DENND4A: variants seen among roughly 807,000 people sequenced by gnomAD.
The protein encoded by DENND4A is DENN domain containing 4A.
A neutral mutation model predicts 199.3 loss-of-function variants in DENND4A; 70 were observed. The ratio of observed to expected loss-of-function variants is 0.35; its 90% CI spans 0.29 to 0.43. DENND4A has a LOEUF of 0.43. Ranked by LOEUF, DENND4A falls within the 20% of genes least tolerant of loss-of-function variation. DENND4A has a pLI of 1.00. For synonymous variants in DENND4A, 686 were observed against 766.9 expected (o/e 0.89, Z 1.74); for missense variants, 1,723 against 2,255.8 (o/e 0.76, Z 4.78).
chr15:65,771,960 A>C, intron 1 of DENND4A: 1 of 1,571,202 alleles, frequency 6.4e-7, no homozygotes, highest in South Asian at 1.1e-5. Flanking sequence ...CATCACCACT[A>C]TCTTTCGTAA....
intron 27 of DENND4A, among the ~76,000 whole-genome samples, 184 bp from the exon 28 acceptor site, chr15:65,668,307 C>T (rs1338953603): frequency 6.6e-6 from 1 of 151,708 alleles, no homozygotes; most frequent in Non-Finnish European, 1.5e-5. Flanking sequence ...CACCTAGGCT[C>T]AAGCGATCCT....
intron 11 of DENND4A, among the ~76,000 whole-genome samples, chr15:65,724,182 C>T (rs1421829723): frequency 6.6e-6 from 1 of 152,068 alleles, no homozygotes; most frequent in Non-Finnish European, 1.5e-5. Context: ...CAGGCCTCAG[C>T]CTCCCAAGCA....
chr15:65,791,667 T>G (rs2077729394), intron 1 of DENND4A, among the ~76,000 whole-genome samples: 1 of 152,024 alleles, frequency 6.6e-6, no homozygotes, highest in Admixed American at 6.6e-5. Flanking sequence ...GTAACGGGCT[T>G]GTCAAAATCC....
chr15:65,734,984 G>C (rs988095791), intron 7 of DENND4A, among the ~76,000 whole-genome samples: 10 of 152,150 alleles, frequency 6.6e-5, no homozygotes, highest in African/African-American at 2.4e-4. Context: ...TGGAGGGGCT[G>C]AGGTGGGAGG....
intron 5 of DENND4A, among the ~76,000 whole-genome samples, chr15:65,739,255 C>T (rs918685628): frequency 7.9e-5 from 12 of 152,098 alleles, no homozygotes; most frequent in Non-Finnish European, 1.6e-4. Flanking sequence ...TTCATCAGCT[C>T]TCAATAACTT....
intron 23 of DENND4A, among the ~76,000 whole-genome samples, chr15:65,684,713 CTAACT>C (rs764281232): frequency 2.0e-5 from 3 of 151,948 alleles, no homozygotes; most frequent in East Asian, 1.9e-4. Flanking sequence ...TTGATAATGC[CTAACT>C]TATCAATTTT....
chr15:65,771,540 C>A (rs2077126011), intron 1 of DENND4A: 3 of 1,612,100 alleles, frequency 1.9e-6, no homozygotes, highest in Non-Finnish European at 2.5e-6. Flanking sequence ...AGGATCAATA[C>A]AATTATGGGC....
In DENND4A at chr15:65,706,483, CACACACACACACAT is replaced by C. The variant is rs1349383307; in HGVS notation, c.1954-273_1954-260del. Among the ~76,000 whole-genome samples, 152 of 89,996 alleles carry C rather than the reference CACACACACACACAT, an allele frequency of 1.7e-3. 3 individuals carry two copies. Among genetic ancestry groups the C allele is most frequent in the Middle Eastern group, 5.0e-3 (1 of 200 alleles). The allele number at this position is 89,996 out of a possible 152,430, so 59.0% of individuals were successfully genotyped here. A position where few individuals can be genotyped will look rare whatever the true frequency, so the allele number is the denominator to read the frequency against. ...ACACACACACACACACACACACACA[CACACACACACACAT>C]ATATATATATATTTTTTTTTGAGAC... On this transcript the variant is annotated intron_variant, in intron 14 of 32. Transcript: ENST00000443035.
intron 1 of DENND4A, among the ~76,000 whole-genome samples, chr15:65,768,709 GC>G (rs1314316344): frequency 6.6e-6 from 1 of 151,914 alleles, no homozygotes; most frequent in Non-Finnish European, 1.5e-5. Flanking sequence ...TTTGCCAGGC[GC>G]GGTGGCTCAT....
intron 4 of DENND4A, among the ~76,000 whole-genome samples, chr15:65,748,749 G>A (rs573412749): frequency 8.6e-5 from 13 of 151,948 alleles, no homozygotes; most frequent in South Asian, 2.1e-4. Flanking sequence ...CAGCACTTTG[G>A]GGGACTGAAG....
At position 65,717,917 on chromosome 15, in the gene DENND4A, G is replaced by A. The variant is rs2075458931; in HGVS notation, c.1668C>T (p.His556=). 6 of 1,609,358 alleles carry A rather than the reference G, an allele frequency of 3.7e-6. No homozygotes were observed. The highest frequency in any genetic ancestry group is 1.3e-5 in the African/African-American group (1 of 74,848). The change falls in exon 13 of 33, where the codon CAC becomes CAT. Residue 556 remains histidine, a synonymous_variant. Coordinates refer to ENST00000443035, the MANE Select transcript of DENND4A (RefSeq NM_001320835.1). ...DYDFNSGKRL[H]MIDLEIQEAF... ...CCTCTTGGATTTCCAAATCTATCAT[G>A]TGCAACCTCTTTCCAGAATTAAAAT...
At position 65,777,400 on chromosome 15, in the gene DENND4A, T is replaced by G. The variant is rs1418831775; in HGVS notation, c.-102+14610A>C. On this transcript the variant is annotated intron_variant, in intron 1 of 32. Coordinates refer to ENST00000443035, the MANE Select transcript of DENND4A (RefSeq NM_001320835.1). ...CAGAGTCTTACTCTGTTGACCAGGC[T>G]GGGGTGCAGTGCCACGATCTCAGCT... 3.3e-5 allele frequency among the ~76,000 whole-genome samples: 5 copies of G among 152,026 alleles called. No homozygotes were observed. In the East Asian group the frequency reaches 9.7e-4, roughly 30 times the overall value.
At chr15:65,663,844 G>A (rs2075953987) in intron 32 of DENND4A, among the ~76,000 whole-genome samples, 1 of 151,566 alleles carries the variant, frequency 6.6e-6, no homozygotes, top group Non-Finnish European at 1.5e-5. Context: ...TAGAAATGGG[G>A]TTTCACCATG....
In DENND4A at chr15:65,664,550, A is replaced by T; in HGVS notation, c.5522+10T>A. 6.2e-7 allele frequency: 1 copy of T among 1,609,174 alleles called. No individual in the cohort carries two copies. The highest frequency in any genetic ancestry group is 8.5e-7 in the Non-Finnish European group (1 of 1,177,026). ...GGAGAACAATATATTCGTCTAAGAG[A>T]AGGACTTACCTCTGTCTTTTAAAAT... On this transcript the variant is annotated intron_variant, in intron 31 of 32. Coordinates refer to ENST00000443035, the MANE Select transcript of DENND4A (RefSeq NM_001320835.1).
chr15:65,772,100 G>A lies in DENND4A; in HGVS notation c.-101-10662C>T, dbSNP rs56888379. ...TGCCAGCATTCAGAGCCTCCTGGAC[G>A]ATGTCGACACATTTCTCAGCTTCAT... On this transcript the variant is annotated intron_variant, in intron 1 of 32. Coordinates refer to ENST00000443035, the MANE Select transcript of DENND4A (RefSeq NM_001320835.1). The A allele has an allele frequency of 9.4e-4, 879 of 935,902 alleles. 3 individuals carry two copies. The African/African-American group carries it at 0.013, about 14-fold the overall frequency. The allele number at this position is 935,902 out of a possible 1,614,324, so 58.0% of individuals were successfully genotyped here. A position where few individuals can be genotyped will look rare whatever the true frequency, so the allele number is the denominator to read the frequency against.
chr15:65,691,592 A>G, intron 22 of DENND4A, 81 bp from the exon 23 acceptor site: 1 of 1,378,654 alleles, frequency 7.3e-7, no homozygotes, highest in Non-Finnish European at 9.6e-7. Context: ...AATTCTAGTG[A>G]TGAAAATGAT....
chr15:65,684,492 C>T (rs940397316), intron 23 of DENND4A, among the ~76,000 whole-genome samples: 8 of 152,158 alleles, frequency 5.3e-5, no homozygotes, highest in African/African-American at 1.7e-4. Flanking sequence ...GTTTCATGTG[C>T]TTTTCGTCCA....
At chr15:65,760,816 T>A (rs557228616) in intron 2 of DENND4A, among the ~76,000 whole-genome samples, 21 of 150,678 alleles carry the variant, frequency 1.4e-4, no homozygotes, top group African/African-American at 4.6e-4. Flanking sequence ...CTGAACGCTG[T>A]AGGCAGAGGT....
intron 1 of DENND4A, among the ~76,000 whole-genome samples, chr15:65,770,623 A>G (rs981289086): frequency 6.6e-6 from 1 of 152,198 alleles, no homozygotes; most frequent in African/African-American, 2.4e-5. Context: ...AGCTGATAAT[A>G]CTATAAGATT....
Sources: gnomAD v4.1 joint callset for allele counts (sites outside exome capture counted in the v4.1 genomes callset) on GRCh38, gnomAD v4.1.1 for gene constraint, MANE v1.5 for transcripts, NCBI Gene and HGNC (gene_info 2026-07-23, HGNC 2026-07-21) for gene names.